The following KDM4C variants were observed in gnomAD, a reference collection of about 807,000 sequenced individuals.
KDM4C encodes the protein lysine demethylase 4C.
A neutral mutation model predicts 129.3 loss-of-function variants in KDM4C; 81 were observed. The observed-to-expected ratio is 0.63, with a 90% CI of 0.52 to 0.75. KDM4C has a LOEUF of 0.75. Ranked by LOEUF, KDM4C falls within the 30% of genes least tolerant of loss-of-function variation. The pLI is 0.00. For synonymous variants in KDM4C, 573 were observed against 456.1 expected, an observed-to-expected ratio of 1.26 and a Z score of -3.26; for missense variants, 1,457 against 1,304.0, an observed-to-expected ratio of 1.12 and a Z score of -1.81.
At chr9:6,854,351 C>A (rs1011667657) in intron 5 of KDM4C, among the ~76,000 whole-genome samples, 46 of 151,772 alleles carry the variant, frequency 3.0e-4, no homozygotes, top group African/African-American at 1.1e-3. Context: ...CATGAAGAAA[C>A]CCCGTCTCTA....
intron 19 of KDM4C, among the ~76,000 whole-genome samples, chr9:7,135,184 T>C (rs1460030046): frequency 1.3e-5 from 2 of 152,194 alleles, no homozygotes; most frequent in African/African-American, 2.4e-5. Flanking sequence ...AGAAAGTATG[T>C]CGTTGCCCTG....
intron 15 of KDM4C, among the ~76,000 whole-genome samples, chr9:7,031,130 G>GTTTGTTTATTTATTTATTTA (rs376556912): frequency 3.5e-5 from 5 of 141,162 alleles, no homozygotes; most frequent in Non-Finnish European, 3.0e-5. Flanking sequence ...TATTTTACTT[G>GTTTGTTTATTTATTTATTTA]TTTATTTATT....
intron 17 of KDM4C, among the ~76,000 whole-genome samples, chr9:7,054,646 A>G (rs370166912): frequency 6.6e-6 from 1 of 152,224 alleles, no homozygotes; most frequent in African/African-American, 2.4e-5. Flanking sequence ...AAAATCTAGC[A>G]AAAGGAGTTA....
chr9:6,732,677 C>T lies in KDM4C; in HGVS notation c.49+11680C>T, dbSNP rs114766931. On this transcript the variant is annotated intron_variant, in intron 1 of 17. Transcript: ENST00000536108. ...ACTCACTTCCTAAACCGGGATTGAA[C>T]CCAGCCCTCTATTGTAAAATGGCAG... Among the ~76,000 whole-genome samples, 980 of 152,248 alleles carry T rather than the reference C, an allele frequency of 6.4e-3. 12 individuals are homozygous for T. Among genetic ancestry groups the T allele is most frequent in the African/African-American group, 0.022 (926 of 41,554 alleles).
At chr9:6,831,637 C>T (rs72701430) in intron 4 of KDM4C, among the ~76,000 whole-genome samples, 8,812 of 152,158 alleles carry the variant, frequency 0.058, 367 homozygotes, top group East Asian at 0.19. Flanking sequence ...CCAGCGCACC[C>T]GGCCTATGAT....
At chr9:6,783,145 C>G (rs1824727885) in intron 1 of KDM4C, among the ~76,000 whole-genome samples, 1 of 152,142 alleles carries the variant, frequency 6.6e-6, no homozygotes, top group South Asian at 2.1e-4. Context: ...TGTTCTTGTT[C>G]TAAAGGGTTT....
intron 5 of KDM4C, among the ~76,000 whole-genome samples, chr9:6,863,632 T>G (rs916736161): frequency 6.6e-6 from 1 of 151,688 alleles, no homozygotes; most frequent in Admixed American, 6.6e-5. Flanking sequence ...TTGTCTCTAC[T>G]AAAAATACAA....
At chr9:6,909,043 T>C (rs1818820943) in intron 8 of KDM4C, among the ~76,000 whole-genome samples, 1 of 152,236 alleles carries the variant, frequency 6.6e-6, no homozygotes, top group African/African-American at 2.4e-5. Context: ...CCCATTTTTG[T>C]TTACCAGATC....
chr9:6,968,810 G>A (rs755592464), intron 8 of KDM4C, among the ~76,000 whole-genome samples: 2 of 151,932 alleles, frequency 1.3e-5, no homozygotes, highest in Non-Finnish European at 2.9e-5. Flanking sequence ...ATTACTGTTT[G>A]GATCTATGTA....
chr9:6,847,535 C>T (rs1451190873), intron 4 of KDM4C, among the ~76,000 whole-genome samples: 7 of 152,040 alleles, frequency 4.6e-5, no homozygotes, highest in South Asian at 2.1e-4. Context: ...GGACTACAGA[C>T]GCCCGCCACC....
At chr9:6,733,269 G>T (rs1817410825) in intron 1 of KDM4C, among the ~76,000 whole-genome samples, 1 of 152,232 alleles carries the variant, frequency 6.6e-6, no homozygotes, top group Admixed American at 6.5e-5. Context: ...AAAACATCAT[G>T]GATGCTGGCT....
At chr9:6,909,936 G>C (rs1057364184) in intron 8 of KDM4C, among the ~76,000 whole-genome samples, 1 of 152,126 alleles carries the variant, frequency 6.6e-6, no homozygotes, top group Non-Finnish European at 1.5e-5. Flanking sequence ...TTTGAAAATT[G>C]CAAGCTGAAT....
In KDM4C at chr9:7,027,832, C is replaced by T. The variant is rs960112437; in HGVS notation, c.2259+11903C>T. Among the ~76,000 whole-genome samples, 5 of 152,318 alleles carry T rather than the reference C, an allele frequency of 3.3e-5. No individual in the cohort carries two copies. In the East Asian group the frequency reaches 7.7e-4, roughly 23 times the overall value. ...ACACAGTACTTCTCACCTTTCTTTC[C>T]CATTTCTACTGGCAGAGGAGCCTCA... is the stretch of plus-strand genomic sequence containing the variant. On this transcript the variant is annotated intron_variant, in intron 15 of 21. Coordinates refer to ENST00000381309, the MANE Select transcript of KDM4C (RefSeq NM_015061.6).
At chr9:7,010,752 A>G (rs1822525634) in intron 12 of KDM4C, among the ~76,000 whole-genome samples, 1 of 152,182 alleles carries the variant, frequency 6.6e-6, no homozygotes, top group Non-Finnish European at 1.5e-5. Context: ...GTAAAGAAAT[A>G]TACATTTTAG....
rs1832195022 is a variant in KDM4C at position 6,816,844 on chromosome 9, C to CT, written c.435+2104dup. Among the ~76,000 whole-genome samples the CT allele has an allele frequency of 2.5e-5, 3 of 121,778 alleles. No homozygotes were observed. The South Asian group carries it at 9.1e-4, about 37-fold the overall frequency. The allele number at this position is 121,778 out of a possible 152,430, so 79.9% of individuals were successfully genotyped here. On this transcript the variant is annotated intron_variant, in intron 4 of 21. Coordinates refer to ENST00000381309, the MANE Select transcript of KDM4C (RefSeq NM_015061.6). ...TACACTTCTTTTTTGTCATGCTTTT[C>CT]TTTTTCTTTTTTTTTTGGCTTAAGT...
intron 1 of KDM4C, among the ~76,000 whole-genome samples, chr9:6,781,847 CCTCA>C: frequency 6.8e-6 from 1 of 147,894 alleles, no homozygotes. Context: ...TGAGACAGAA[CCTCA>C]CTCTTGTGCC....
chr9:6,930,912 C>G (rs1823607367), intron 8 of KDM4C, among the ~76,000 whole-genome samples: 1 of 152,106 alleles, frequency 6.6e-6, no homozygotes, highest in South Asian at 2.1e-4. Context: ...GGTCCCACTC[C>G]TTTGCATCTG....
chr9:6,731,389 C>T (rs529097613), intron 1 of KDM4C, among the ~76,000 whole-genome samples: 14 of 144,302 alleles, frequency 9.7e-5, no homozygotes, highest in Non-Finnish European at 1.8e-4. Flanking sequence ...TGCAATGGCA[C>T]GATCTCAGCT....
intron 8 of KDM4C, among the ~76,000 whole-genome samples, chr9:6,944,955 G>A (rs1362759846): frequency 1.3e-5 from 2 of 152,094 alleles, no homozygotes; most frequent in Non-Finnish European, 2.9e-5. Context: ...GGTTATTCCT[G>A]TGGTTTGTAT....
Sources: allele counts gnomAD v4.1 joint callset (sites outside exome capture counted in the v4.1 genomes callset), GRCh38; gene constraint gnomAD v4.1.1; transcripts MANE v1.5; gene names NCBI Gene and HGNC (gene_info 2026-07-23, HGNC 2026-07-21).